Variants in DAW1 observed in about 807,000 individuals in gnomAD.
DAW1 encodes the protein dynein assembly factor with WD repeats 1, also known as dynein assembly factor with WD repeat domains 1.
DAW1 carries 47 observed loss-of-function variants against 56.5 expected under a neutral mutation model. That is an observed-to-expected ratio of 0.83 (90% confidence interval 0.66 to 1.06). DAW1 has a LOEUF of 1.06. Among genes scored for constraint, DAW1 ranks in the 50% least tolerant of loss-of-function variants. The pLI, the probability that DAW1 is intolerant of heterozygous loss-of-function variation, is 0.00. For missense variants in DAW1, 505 were observed against 499.3 expected (o/e 1.01, Z -0.11); for synonymous variants, 190 against 179.0 (o/e 1.06, Z -0.49).
chr2:227,884,228 CCATTTTTT>C (rs1215712119), intron 1 of DAW1, among the ~76,000 whole-genome samples: 1 of 152,022 alleles, frequency 6.6e-6, no homozygotes, highest in Non-Finnish European at 1.5e-5. Flanking sequence ...CTGGGATTTT[CCATTTTTT>C]CATTTGTTTC....
rs780995627 is a variant in DAW1 at position 227,907,101 on chromosome 2, G to GGC, written c.859-37_859-36insGC. On this transcript the variant is annotated intron_variant, in intron 9 of 12. Coordinates refer to ENST00000309931, the MANE Select transcript of DAW1 (RefSeq NM_178821.3). ...TTCACACTTCAGACAGAAAGTCATA[G>GGC]TCTTTTTTTTTTTGTTTTTTGTTCT... The GGC allele has an allele frequency of 5.6e-6, 8 of 1,440,690 alleles. No individual in the cohort carries two copies. In the South Asian group the frequency reaches 8.5e-5, roughly 15 times the overall value. The allele number at this position is 1,440,690 out of a possible 1,614,324, so 89.2% of individuals were successfully genotyped here. A position where few individuals can be genotyped will look rare whatever the true frequency, so the allele number is the denominator to read the frequency against.
At chr2:227,912,060 TG>T (rs759349015) in intron 10 of DAW1, among the ~76,000 whole-genome samples, 107 of 152,324 alleles carry the variant, frequency 7.0e-4, no homozygotes, top group Admixed American at 1.4e-3. Flanking sequence ...GCTGTGTCTG[TG>T]TGTCTATACT....
In DAW1 at chr2:227,891,304, C is replaced by T. The variant is rs199504696; in HGVS notation, c.308C>T (p.Ser103Leu). The T allele has an allele frequency of 4.7e-5, 76 of 1,613,150 alleles. No homozygotes were observed. The highest frequency in any genetic ancestry group is 1.2e-4 in the African/African-American group (9 of 74,996). ...CTGACTAATGTTGCACTTAACAAAT[C>T]GGGCTCATGGTAAGATTCTCTTTTT... ...LPLTNVALNK[S>L]GSCFITGSYD... The change falls in exon 4 of 13, where the codon TCG (serine) becomes TTG (leucine). Residue 103 changes from serine (S) to leucine (L), a missense_variant. Physicochemically the swap from Ser to Leu is moderately radical, Grantham distance 145. Coordinates refer to ENST00000309931, the MANE Select transcript of DAW1 (RefSeq NM_178821.3).
intron 10 of DAW1, among the ~76,000 whole-genome samples, chr2:227,916,392 A>C (rs913127429): frequency 2.0e-5 from 3 of 152,176 alleles, no homozygotes; most frequent in African/African-American, 7.2e-5. Flanking sequence ...CTGCTTGAGA[A>C]GTACATATGA....
At chr2:227,876,552 C>T (rs1364421328) in intron 1 of DAW1, 11 of 1,255,772 alleles carry the variant, frequency 8.8e-6, no homozygotes, top group Non-Finnish European at 1.1e-5. Flanking sequence ...TGAATCATTC[C>T]CGTGCTACCT....
At chr2:227,880,828 A>G (rs1690993786) in intron 1 of DAW1, among the ~76,000 whole-genome samples, 1 of 152,116 alleles carries the variant, frequency 6.6e-6, no homozygotes, top group African/African-American at 2.4e-5. Context: ...AAGATCCTGA[A>G]CTCTTTGAGG....
intron 3 of DAW1, 124 bp from the exon 4 acceptor site, chr2:227,891,131 A>T (rs1306109003): frequency 1.1e-5 from 9 of 806,254 alleles, no homozygotes; most frequent in Non-Finnish European, 1.8e-5. Flanking sequence ...CTAAAGGTAA[A>T]TCAGATATTG....
Position 227,921,536 on chromosome 2 carries a change from C to A in DAW1, c.1188C>A (p.Asn396Lys). 2 of 1,613,784 alleles carry A rather than the reference C, an allele frequency of 1.2e-6. No individual in the cohort carries two copies. Among genetic ancestry groups the A allele is most frequent in the Non-Finnish European group, 1.7e-6 (2 of 1,179,916 alleles). Residue 396 changes from asparagine to lysine, a missense_variant, in exon 12 of 13, where the codon AAC becomes AAA. Physicochemically the swap from Asn to Lys is moderately conservative, Grantham distance 94 (BLOSUM62 0). Coordinates refer to ENST00000309931, the MANE Select transcript of DAW1 (RefSeq NM_178821.3). Reference protein sequence around the residue: ...HTDEIFSCAFNYKGNIVITGS... With the variant: ...HTDEIFSCAFKYKGNIVITGS... ...ATGAAATCTTTTCATGTGCTTTCAA[C>A]TATAAAGGCAACATAGTCATTACAG...
intron 6 of DAW1, among the ~76,000 whole-genome samples, chr2:227,901,584 G>GA (rs1281258509): frequency 6.6e-6 from 1 of 151,912 alleles, no homozygotes; most frequent in African/African-American, 2.4e-5. Flanking sequence ...GATACAAAAA[G>GA]AAAAAAGAAA....
At position 227,871,737 on chromosome 2, in the gene DAW1, C is replaced by A; in HGVS notation, c.40+8C>A. 1.2e-6 allele frequency: 2 copies of A among 1,613,836 alleles called. No individual in the cohort carries two copies. The highest frequency in any genetic ancestry group is 1.3e-5 in the African/African-American group (1 of 75,054). On this transcript the variant is annotated splice_region_variant and intron_variant, in intron 1 of 12. Transcript: ENST00000309931. The stretch of plus-strand genomic sequence containing the variant: ...TCCGGTATTACCCGCCAGGTACGCA[C>A]CAGCCCGGCCCCGTCATCCCCACGT...
chr2:227,880,486 G>A (rs916260158), intron 1 of DAW1, among the ~76,000 whole-genome samples: 2 of 150,830 alleles, frequency 1.3e-5, no homozygotes, highest in Non-Finnish European at 3.0e-5. Context: ...TTTGGTTTCA[G>A]GTCTTTAGTA....
At position 227,924,294 on chromosome 2, in the gene DAW1, A is replaced by G. The variant is rs1160501554; in HGVS notation, c.*326A>G. 2 of 322,942 alleles carry G rather than the reference A, an allele frequency of 6.2e-6. No homozygotes were observed. The highest frequency in any genetic ancestry group is 8.6e-5 in the Admixed American group (2 of 23,166). 20.0% of individuals were successfully genotyped at this position (322,942 alleles called of 1,614,324 possible). ...CTTAACAACGTGTCTCCTGGATTTTACTTTGAAGCCTATTGTTATAATTTC... is the reference window on the plus strand; with the variant it reads ...CTTAACAACGTGTCTCCTGGATTTTGCTTTGAAGCCTATTGTTATAATTTC... On this transcript the variant is annotated 3_prime_UTR_variant, in exon 13 of 13. Coordinates refer to ENST00000309931, the MANE Select transcript of DAW1 (RefSeq NM_178821.3).
intron 12 of DAW1, among the ~76,000 whole-genome samples, chr2:227,921,890 G>C (rs1172081113): frequency 6.6e-6 from 1 of 152,186 alleles, no homozygotes; most frequent in Non-Finnish European, 1.5e-5. Flanking sequence ...AGTCAGCCAG[G>C]CGCATTGGCT....
intron 1 of DAW1, among the ~76,000 whole-genome samples, chr2:227,879,218 T>C (rs1224212060): frequency 6.6e-6 from 1 of 152,222 alleles, no homozygotes; most frequent in Non-Finnish European, 1.5e-5. Context: ...TGACAGTGCC[T>C]GTGTCTTCAA....
intron 8 of DAW1, 116 bp from the exon 9 acceptor site, chr2:227,906,120 A>G: frequency 1.5e-6 from 1 of 653,812 alleles, no homozygotes. Flanking sequence ...CAAATATATT[A>G]TTTTGTAAAA....
Position 227,898,259 on chromosome 2 carries a change from T to G in DAW1, c.518T>G (p.Phe173Cys). The G allele has an allele frequency of 6.4e-7, 1 of 1,560,322 alleles. No homozygotes were observed. Among genetic ancestry groups the G allele is most frequent in the Non-Finnish European group, 8.7e-7 (1 of 1,149,416 alleles). Residue 173 changes from phenylalanine to cysteine, a missense_variant, in exon 6 of 13, where the codon TTC (phenylalanine) becomes TGC (cysteine). Physicochemically the swap from Phe to Cys is radical, Grantham distance 205. Transcript: ENST00000309931. ...SVETGKCYHT[F>C]RGHTAEIVCL... is the part of the protein sequence containing the mutation. ...GAAACAGGAAAATGTTACCATACCTTCAGGGGTCATACAGCAGAAATAGTG... is the reference window on the plus strand; with the variant it reads ...GAAACAGGAAAATGTTACCATACCTGCAGGGGTCATACAGCAGAAATAGTG...
intron 1 of DAW1, among the ~76,000 whole-genome samples, chr2:227,876,645 A>T (rs1574645928): frequency 6.6e-6 from 1 of 152,206 alleles, no homozygotes; most frequent in Admixed American, 6.5e-5. Flanking sequence ...TGAATAACGT[A>T]TAGGTCAGGG....
intron 10 of DAW1, among the ~76,000 whole-genome samples, chr2:227,915,913 C>A (rs919644480): frequency 6.6e-5 from 10 of 152,064 alleles, no homozygotes; most frequent in African/African-American, 2.4e-4. Context: ...CGTAGTTCAT[C>A]TCATTTAGGA....
intron 1 of DAW1, among the ~76,000 whole-genome samples, chr2:227,882,313 C>T (rs965680167): frequency 4.6e-5 from 7 of 152,150 alleles, no homozygotes; most frequent in Non-Finnish European, 1.0e-4. Context: ...GACATTGTCA[C>T]TAATGGTGCA....
Sources: allele counts gnomAD v4.1 joint callset (sites outside exome capture counted in the v4.1 genomes callset), GRCh38; gene constraint gnomAD v4.1.1; transcripts MANE v1.5; gene names NCBI Gene and HGNC (gene_info 2026-07-23, HGNC 2026-07-21).